TENM2: variants seen among roughly 807,000 people sequenced by gnomAD.
TENM2 encodes the protein teneurin transmembrane protein 2.
Under a neutral mutation model 245.2 loss-of-function variants are expected in TENM2, and 52 were observed. That is an observed-to-expected ratio of 0.21 (90% confidence interval 0.17 to 0.27). The LOEUF is 0.27. Among genes scored for constraint, TENM2 ranks in the 10% least tolerant of loss-of-function variants. TENM2 has a pLI of 1.00. For synonymous variants in TENM2, 1,363 were observed against 1,438.9 expected (o/e 0.95, Z 1.19); for missense variants, 3,046 against 3,666.8 (o/e 0.83, Z 4.37).
At chr5:167,711,464 T>G (rs1758902014) in intron 2 of TENM2, among the ~76,000 whole-genome samples, 1 of 152,180 alleles carries the variant, frequency 6.6e-6, no homozygotes, top group Non-Finnish European at 1.5e-5. Flanking sequence ...TAGTCAATCT[T>G]CCCATCCTTT....
At chr5:167,608,670 C>A (rs1004424497) in intron 2 of TENM2, among the ~76,000 whole-genome samples, 18 of 152,188 alleles carry the variant, frequency 1.2e-4, no homozygotes, top group African/African-American at 4.3e-4. Context: ...TTAGTAAGAG[C>A]GCTACCTGTC....
chr5:167,877,640 G>A (rs138466893), intron 3 of TENM2, among the ~76,000 whole-genome samples: 5 of 152,136 alleles, frequency 3.3e-5, no homozygotes, highest in East Asian at 1.9e-4. Context: ...TTTCTACCGC[G>A]GAACAATGAC....
chr5:167,934,975 G>A, intron 3 of TENM2: 1 of 944,406 alleles, frequency 1.1e-6, no homozygotes, highest in Non-Finnish European at 1.3e-6. Context: ...AAAGAAAGGG[G>A]GTGGGAAAGA....
chr5:167,172,132 AC>A, the TENM2 span, among the ~76,000 whole-genome samples: 1 of 152,178 alleles, frequency 6.6e-6, no homozygotes, highest in African/African-American at 2.4e-5. Flanking sequence ...GTGTTTCACA[AC>A]CAGTGTGACA....
intron 3 of TENM2, among the ~76,000 whole-genome samples, chr5:167,934,429 A>G (rs1323222314): frequency 6.6e-6 from 1 of 152,198 alleles, no homozygotes; most frequent in Non-Finnish European, 1.5e-5. Context: ...GCTTCAGACC[A>G]TACCTCATCT....
chr5:168,152,364 G>GAAA (rs1756723696), intron 12 of TENM2, among the ~76,000 whole-genome samples: 2 of 152,146 alleles, frequency 1.3e-5, no homozygotes, highest in African/African-American at 4.8e-5. Flanking sequence ...TACACTAGGA[G>GAAA]CAACAACAAC....
Position 167,426,853 on chromosome 5 carries a change from C to T in TENM2, c.502+51380C>T, listed in dbSNP as rs376381711. ...AACAACATATGCTCTACATTTTTTT[C>T]AATACTAAATTGATCATCTCAAACA... On this transcript the variant is annotated intron_variant, in intron 2 of 28. Coordinates refer to ENST00000518659, the Ensembl canonical transcript of TENM2. Among the ~76,000 whole-genome samples, 4 of 151,838 alleles carry T rather than the reference C, an allele frequency of 2.6e-5. No individual in the cohort carries two copies. In the South Asian group the frequency reaches 6.2e-4, roughly 24 times the overall value.
At chr5:167,261,005 G>A in the TENM2 span, among the ~76,000 whole-genome samples, 7 of 152,124 alleles carry the variant, frequency 4.6e-5, no homozygotes, top group Non-Finnish European at 1.0e-4. Flanking sequence ...TTTCATAGAT[G>A]AGAAAACATG....
At chr5:167,594,359 T>G (rs1278518455) in intron 2 of TENM2, among the ~76,000 whole-genome samples, 1 of 152,188 alleles carries the variant, frequency 6.6e-6, no homozygotes, top group Non-Finnish European at 1.5e-5. Context: ...ATTTTAATCT[T>G]TAAAACATAT....
intron 2 of TENM2, among the ~76,000 whole-genome samples, chr5:167,678,873 A>G (rs1429508311): frequency 6.6e-6 from 1 of 152,056 alleles, no homozygotes; most frequent in East Asian, 1.9e-4. Flanking sequence ...TAAAGATTTT[A>G]TTTTTTTCAA....
At chr5:167,266,402 T>G in the TENM2 span, among the ~76,000 whole-genome samples, 1 of 152,208 alleles carries the variant, frequency 6.6e-6, no homozygotes, top group Non-Finnish European at 1.5e-5. Context: ...TTCCAAAATT[T>G]GGCTAATAAG....
chr5:167,557,325 T>C (rs1773320340), intron 2 of TENM2, among the ~76,000 whole-genome samples: 1 of 152,234 alleles, frequency 6.6e-6, no homozygotes, highest in Non-Finnish European at 1.5e-5. Flanking sequence ...AGACTTCCTC[T>C]TCTACAAGGG....
At chr5:167,873,250 G>T (rs1773134738) in intron 2 of TENM2, among the ~76,000 whole-genome samples, 1 of 152,180 alleles carries the variant, frequency 6.6e-6, no homozygotes, top group Admixed American at 6.5e-5. Flanking sequence ...GGCTGTAAAT[G>T]GTTATTCAAA....
intron 2 of TENM2, among the ~76,000 whole-genome samples, chr5:167,402,005 C>T (rs1762393196): frequency 6.6e-6 from 1 of 152,090 alleles, no homozygotes; most frequent in African/African-American, 2.4e-5. Flanking sequence ...ATTATTTAAT[C>T]ATCATATAGT....
intron 5 of TENM2, among the ~76,000 whole-genome samples, chr5:167,995,547 C>G (rs151129749): frequency 1.6e-3 from 244 of 152,292 alleles, no homozygotes; most frequent in African/African-American, 5.5e-3. Context: ...CTCTCAGCCA[C>G]TCTCCCGAGG....
intron 3 of TENM2, among the ~76,000 whole-genome samples, chr5:167,933,283 A>G (rs1415862692): frequency 1.3e-5 from 2 of 152,232 alleles, no homozygotes; most frequent in Non-Finnish European, 2.9e-5. Flanking sequence ...TTTAAAAATT[A>G]AATGTTTTTT....
intron 5 of TENM2, among the ~76,000 whole-genome samples, chr5:168,045,873 C>T (rs1387308545): frequency 6.6e-6 from 1 of 152,230 alleles, no homozygotes; most frequent in Admixed American, 6.5e-5. Context: ...GCAATGGAAT[C>T]TGGTCTCTTC....
chr5:167,155,894 C>G, the TENM2 span, among the ~76,000 whole-genome samples: 1 of 152,188 alleles, frequency 6.6e-6, no homozygotes, highest in African/African-American at 2.4e-5. Flanking sequence ...GCTTCTCAGG[C>G]GCGCTCTCTT....
chr5:167,881,322 T>C (rs1773858830), intron 3 of TENM2, among the ~76,000 whole-genome samples: 1 of 152,180 alleles, frequency 6.6e-6, no homozygotes, highest in Admixed American at 6.5e-5. Context: ...CATCCTGTGG[T>C]TGTTTATCCC....
Sources: gnomAD v4.1 joint callset for allele counts (sites outside exome capture counted in the v4.1 genomes callset) on GRCh38, gnomAD v4.1.1 for gene constraint, MANE v1.5 for transcripts, NCBI Gene and HGNC (gene_info 2026-07-23, HGNC 2026-07-21) for gene names.